The following KLF12 variants were observed in gnomAD, a reference collection of about 807,000 sequenced individuals.
KLF12 encodes KLF transcription factor 12, also known as Krueppel-like factor 12.
Under a neutral mutation model 37.8 loss-of-function variants are expected in KLF12, and 9 were observed. The observed-to-expected ratio is 0.24, with a 90% CI of 0.14 to 0.42. The LOEUF is 0.42. Ranked by LOEUF, KLF12 falls within the 10% of genes least tolerant of loss-of-function variation. The pLI, the probability that KLF12 is intolerant of heterozygous loss-of-function variation, is 1.00. For missense variants in KLF12, 411 were observed against 516.0 expected (o/e 0.80, Z 1.97); for synonymous variants, 208 against 202.1 (o/e 1.03, Z -0.25).
intron 1 of KLF12, among the ~76,000 whole-genome samples, chr13:74,113,933 G>A (rs539432274): frequency 6.6e-6 from 1 of 152,304 alleles, no homozygotes; most frequent in South Asian, 2.1e-4. Context: ...GAGTTTAGAA[G>A]AAGCTGATTC....
chr13:73,949,864 A>G (rs1890580232), intron 2 of KLF12, among the ~76,000 whole-genome samples: 1 of 152,200 alleles, frequency 6.6e-6, no homozygotes, highest in Non-Finnish European at 1.5e-5. Flanking sequence ...GCATCTTAGG[A>G]GAATGGATAT....
Position 74,008,225 on chromosome 13 carries a change from A to G in KLF12, c.-31-13172T>C, listed in dbSNP as rs1256633336. 3.9e-5 allele frequency among the ~76,000 whole-genome samples: 6 copies of G among 152,200 alleles called. No individual in the cohort carries two copies. In the East Asian group the frequency reaches 9.6e-4, roughly 24 times the overall value. On this transcript the variant is annotated intron_variant, in intron 1 of 7. Coordinates refer to ENST00000377669, the MANE Select transcript of KLF12 (RefSeq NM_007249.5). ...ATAAATTTTGATCAGACCAATTCCT[A>G]ATTTTGAGTCATACTGCCCAAATTA...
the KLF12 span, among the ~76,000 whole-genome samples, chr13:74,169,943 C>T: frequency 6.6e-6 from 1 of 152,176 alleles, no homozygotes; most frequent in Non-Finnish European, 1.5e-5. Context: ...TTTCACTCCA[C>T]CTTTATGAGA....
intron 2 of KLF12, among the ~76,000 whole-genome samples, chr13:73,973,111 A>G (rs903044521): frequency 2.0e-5 from 3 of 152,194 alleles, no homozygotes; most frequent in Non-Finnish European, 4.4e-5. Flanking sequence ...AGCTTTCTGA[A>G]TATGTTTTGC....
the KLF12 span, among the ~76,000 whole-genome samples, chr13:74,260,163 G>GT: frequency 6.6e-6 from 1 of 151,978 alleles, no homozygotes; most frequent in African/African-American, 2.4e-5. Flanking sequence ...CACACACGGA[G>GT]GTAACTGCAA....
At chr13:74,038,255 A>G (rs1893310073) in intron 1 of KLF12, among the ~76,000 whole-genome samples, 1 of 152,182 alleles carries the variant, frequency 6.6e-6, no homozygotes, top group Non-Finnish European at 1.5e-5. Flanking sequence ...AATTCCTGTG[A>G]ACTTATAACT....
At chr13:73,706,227 C>T (rs1874938528) in intron 7 of KLF12, among the ~76,000 whole-genome samples, 1 of 152,064 alleles carries the variant, frequency 6.6e-6, no homozygotes, top group Non-Finnish European at 1.5e-5. Flanking sequence ...AATTTATATG[C>T]TAACACAAAC....
chr13:73,972,816 TG>T (rs1566488540), intron 2 of KLF12, among the ~76,000 whole-genome samples: 1 of 151,374 alleles, frequency 6.6e-6, no homozygotes, highest in African/African-American at 2.4e-5. Context: ...GTGTGAGAGC[TG>T]GATTTATATC....
At chr13:74,120,050 A>G (rs961883739) in intron 1 of KLF12, among the ~76,000 whole-genome samples, 1 of 152,234 alleles carries the variant, frequency 6.6e-6, no homozygotes, top group African/African-American at 2.4e-5. Context: ...CTGGAGCAAT[A>G]TCTTTAACGT....
intron 3 of KLF12, among the ~76,000 whole-genome samples, chr13:73,875,042 A>G (rs9573320): frequency 0.81 from 123,298 of 151,902 alleles, 50,240 homozygotes; most frequent in East Asian, 0.91. Context: ...GTCATCTTAG[A>G]TTTTCATATA....
At chr13:73,773,601 C>G (rs1423869925) in intron 5 of KLF12, among the ~76,000 whole-genome samples, 3 of 152,158 alleles carry the variant, frequency 2.0e-5, no homozygotes, top group Non-Finnish European at 2.9e-5. Context: ...TCCACAGTTA[C>G]TCACCTATTT....
chr13:73,985,976 C>A (rs943712992), intron 2 of KLF12, among the ~76,000 whole-genome samples: 1 of 152,138 alleles, frequency 6.6e-6, no homozygotes, highest in African/African-American at 2.4e-5. Context: ...AGCTCCGGAG[C>A]CACAGCTGCA....
At chr13:74,078,768 T>A (rs1377976381) in intron 1 of KLF12, among the ~76,000 whole-genome samples, 1 of 152,206 alleles carries the variant, frequency 6.6e-6, no homozygotes, top group Non-Finnish European at 1.5e-5. Context: ...CTGAGTTAAA[T>A]TAAAACATTT....
chr13:73,696,559 C>T (rs1404409177), intron 7 of KLF12, among the ~76,000 whole-genome samples: 1 of 152,178 alleles, frequency 6.6e-6, no homozygotes, highest in Non-Finnish European at 1.5e-5. Context: ...TGTCCCCATG[C>T]AACCCCACAA....
chr13:73,899,523 G>A (rs1887941487), intron 3 of KLF12, among the ~76,000 whole-genome samples: 1 of 152,180 alleles, frequency 6.6e-6, no homozygotes, highest in African/African-American at 2.4e-5. Context: ...CTGGCTTAAG[G>A]AATATGCAGA....
intron 2 of KLF12, among the ~76,000 whole-genome samples, chr13:73,966,556 G>T (rs987553784): frequency 2.4e-4 from 37 of 152,114 alleles, no homozygotes; most frequent in African/African-American, 8.4e-4. Context: ...CTCATTTGAG[G>T]ACAGCTTGAA....
At chr13:73,938,181 T>G (rs957091992) in intron 3 of KLF12, among the ~76,000 whole-genome samples, 1 of 152,196 alleles carries the variant, frequency 6.6e-6, no homozygotes, top group Non-Finnish European at 1.5e-5. Context: ...AATGCCCTTT[T>G]TTCACTTCTG....
chr13:74,233,308 T>A, the KLF12 span, among the ~76,000 whole-genome samples: 10 of 152,042 alleles, frequency 6.6e-5, no homozygotes, highest in Admixed American at 5.2e-4. Context: ...TCATACTGAT[T>A]CCATGGTCCA....
intron 6 of KLF12, among the ~76,000 whole-genome samples, chr13:73,734,530 A>G (rs753503322): frequency 1.3e-5 from 2 of 151,810 alleles, no homozygotes; most frequent in Non-Finnish European, 2.9e-5. Flanking sequence ...AAGAATCTTA[A>G]CCTACTTATT....
Sources: gnomAD v4.1 joint callset for allele counts (sites outside exome capture counted in the v4.1 genomes callset) on GRCh38, gnomAD v4.1.1 for gene constraint, MANE v1.5 for transcripts, NCBI Gene and HGNC (gene_info 2026-07-23, HGNC 2026-07-21) for gene names.